ARID5A: variants seen among roughly 807,000 people sequenced by gnomAD.
ARID5A encodes AT-rich interactive domain-containing protein 5A.
A neutral mutation model predicts 30.5 loss-of-function variants in ARID5A; 14 were observed. The observed-to-expected ratio is 0.46, with a 90% CI of 0.30 to 0.72. The LOEUF is 0.72. Among genes scored for constraint, ARID5A ranks in the 30% least tolerant of loss-of-function variants. The pLI is 0.07. For synonymous variants in ARID5A, 338 were observed against 340.4 expected, an observed-to-expected ratio of 0.99 and a Z score of 0.08; for missense variants, 669 against 786.2, an observed-to-expected ratio of 0.85 and a Z score of 1.78.
intron 1 of ARID5A, among the ~76,000 whole-genome samples, chr2:96,538,898 G>A (rs928410825): frequency 6.6e-6 from 1 of 152,184 alleles, no homozygotes; most frequent in African/African-American, 2.4e-5. Context: ...GATGGGGAGG[G>A]AGAGAAGGAA....
chr2:96,547,446 G>A lies in ARID5A; in HGVS notation c.49G>A (p.Ala17Thr), dbSNP rs150447575. 2.0e-5 allele frequency: 33 copies of A among 1,613,932 alleles called. No individual in the cohort carries two copies. Among genetic ancestry groups the A allele is most frequent in the African/African-American group, 1.7e-4 (13 of 74,974 alleles). ...GNRKQSTEGD[A>T]LDPPASPKPA... The stretch of plus-strand genomic sequence containing the variant: ...CAGGAAGCAGTCCACGGAGGGTGAC[G>A]CCCTAGACCCACCTGCATCCCCCAA... Residue 17 changes from alanine (A) to threonine (T), a missense_variant, in exon 2 of 7, where the codon GCC becomes ACC. By Grantham distance (58) the Ala-to-Thr change is moderately conservative (BLOSUM62 0). Transcript: ENST00000357485.
Position 96,550,358 on chromosome 2 carries a change from C to T in ARID5A, c.410+73C>T. 7.0e-6 allele frequency: 10 copies of T among 1,424,130 alleles called. No homozygotes were observed. The highest frequency in any genetic ancestry group is 9.1e-6 in the Non-Finnish European group (10 of 1,095,992). The allele number at this position is 1,424,130 out of a possible 1,614,324, so 88.2% of individuals were successfully genotyped here. A position where few individuals can be genotyped will look rare whatever the true frequency, so the allele number is the denominator to read the frequency against. On this transcript the variant is annotated intron_variant, in intron 5 of 6. Coordinates refer to ENST00000357485, the MANE Select transcript of ARID5A (RefSeq NM_212481.3). The surrounding 1 kb of genome is among the most constrained non-coding windows in gnomAD (Gnocchi z 6.6). ...CTTTGGCCGACCTTGCCGGGAGGGC[C>T]GGGTGGACTCTGCCCGGAGCGGGCA...
At chr2:96,546,906 A>C (rs972155939) in intron 1 of ARID5A, among the ~76,000 whole-genome samples, 16 of 152,190 alleles carry the variant, frequency 1.1e-4, no homozygotes, top group African/African-American at 3.9e-4. Context: ...GTGTCTGAGC[A>C]TGGGGCAGAT....
Position 96,549,769 on chromosome 2 carries a change from C to A in ARID5A, c.276C>A (p.Ile92=), listed in dbSNP as rs1478216009. ...CTCCCCCAGTTAACCTGTGGAAGAT[C>A]TACAAAGCAGTGGAGAAGCTGGGGG... ...LGFKQINLWK[I]YKAVEKLGAY... Residue 92 remains isoleucine, a synonymous_variant, in exon 4 of 7, where the codon ATC becomes ATA. Transcript: ENST00000357485. The surrounding 1 kb of genome is among the most constrained non-coding windows in gnomAD (Gnocchi z 6.1). 6.2e-7 allele frequency: 1 copy of A among 1,613,856 alleles called. No homozygotes were observed. Among genetic ancestry groups the A allele is most frequent in the South Asian group, 1.1e-5 (1 of 91,054 alleles).
chr2:96,547,905 C>T (rs1272266513), intron 2 of ARID5A, among the ~76,000 whole-genome samples: 1 of 152,190 alleles, frequency 6.6e-6, no homozygotes, highest in Non-Finnish European at 1.5e-5. Flanking sequence ...GCAGCTTTTT[C>T]GGAGCACAGT....
chr2:96,544,330 T>C (rs76360950), intron 1 of ARID5A, among the ~76,000 whole-genome samples: 1 of 152,236 alleles, frequency 6.6e-6, no homozygotes, highest in Non-Finnish European at 1.5e-5. Context: ...GAAGATGTCA[T>C]CTAGGACTTT....
At chr2:96,541,034 C>T (rs372461301) in intron 1 of ARID5A, among the ~76,000 whole-genome samples, 3 of 146,664 alleles carry the variant, frequency 2.0e-5, no homozygotes, top group Admixed American at 1.4e-4. Flanking sequence ...CGTGAGCCAC[C>T]GCACCTGGCC....
At chr2:96,537,000 CCG>C (rs2065744734) in intron 1 of ARID5A, among the ~76,000 whole-genome samples, 170 bp downstream of exon 1, 1 of 151,934 alleles carries the variant, frequency 6.6e-6, no homozygotes, top group Admixed American at 6.5e-5. Context: ...CGAGCCCGGC[CCG>C]CGGCTTCAGC....
intron 1 of ARID5A, 44 bp downstream of exon 1, chr2:96,536,874 C>A (rs2065741750): frequency 6.5e-6 from 8 of 1,225,542 alleles, no homozygotes; most frequent in Non-Finnish European, 8.1e-6. Context: ...CTCGGCGGCC[C>A]TGCAGGGAGG....
intron 1 of ARID5A, 69 bp downstream of exon 1, chr2:96,536,899 G>C: frequency 8.2e-7 from 1 of 1,223,396 alleles, no homozygotes; most frequent in Non-Finnish European, 1.0e-6. Flanking sequence ...AGGTGCCGGC[G>C]CCGGGTCCCC....
intron 1 of ARID5A, among the ~76,000 whole-genome samples, chr2:96,545,260 G>A (rs2065909268): frequency 6.7e-6 from 1 of 150,178 alleles, no homozygotes; most frequent in Non-Finnish European, 1.5e-5. Flanking sequence ...AGGTTCAAAG[G>A]ATTCTCCTGC....
chr2:96,545,534 G>A (rs1200502960), intron 1 of ARID5A, among the ~76,000 whole-genome samples: 3 of 152,190 alleles, frequency 2.0e-5, no homozygotes, highest in Non-Finnish European at 4.4e-5. Context: ...GATTTAGAAT[G>A]TTACAGAAAC....
intron 1 of ARID5A, among the ~76,000 whole-genome samples, chr2:96,546,795 A>G (rs2065936443): frequency 6.6e-6 from 1 of 152,042 alleles, no homozygotes; most frequent in African/African-American, 2.4e-5. Context: ...ATTCCTGAAT[A>G]TTCCCAGAGG....
At position 96,550,814 on chromosome 2, in the gene ARID5A, C is replaced by T; in HGVS notation, c.570+81C>T. 6.8e-7 allele frequency: 1 copy of T among 1,461,970 alleles called. No individual in the cohort carries two copies. Among genetic ancestry groups the T allele is most frequent in the East Asian group, 2.5e-5 (1 of 40,236 alleles). 90.6% of individuals were successfully genotyped at this position (1,461,970 alleles called of 1,614,324 possible). On this transcript the variant is annotated intron_variant, in intron 6 of 6. Coordinates refer to ENST00000357485, the MANE Select transcript of ARID5A (RefSeq NM_212481.3). The surrounding 1 kb of genome is among the most constrained non-coding windows in gnomAD (Gnocchi z 6.6). ...CCCACAACTCCCTGTGGCCGCGGAG[C>T]TGTCTGCTCAGAATACACAGAACCT...
In ARID5A at chr2:96,546,618, T is replaced by C. The variant is rs568377771; in HGVS notation, c.5-784T>C. 6.6e-5 allele frequency among the ~76,000 whole-genome samples: 10 copies of C among 152,310 alleles called. No individual in the cohort carries two copies. The South Asian group carries it at 2.1e-3, about 32-fold the overall frequency. ...TCAGCCAGGATGGCTGTGAGTAGCC[T>C]AGGGCGAGGGAGGAGCTGCCCGTGG... On this transcript the variant is annotated intron_variant, in intron 1 of 6. Coordinates refer to ENST00000357485, the MANE Select transcript of ARID5A (RefSeq NM_212481.3).
chr2:96,549,604 G>A lies in ARID5A; in HGVS notation c.259+145G>A. On this transcript the variant is annotated intron_variant, in intron 3 of 6. Transcript: ENST00000357485. The surrounding 1 kb of genome is among the most constrained non-coding windows in gnomAD (Gnocchi z 6.1). ...TCCAGGCTGCCACTGGGCCAGGGGTGCACAGGGCACAGCCTGCCCGTCTAT... is the reference window on the plus strand; with the variant it reads ...TCCAGGCTGCCACTGGGCCAGGGGTACACAGGGCACAGCCTGCCCGTCTAT... 1 of 1,478,152 alleles carries A rather than the reference G, an allele frequency of 6.8e-7. No individual in the cohort carries two copies. The highest frequency in any genetic ancestry group is 9.4e-7 in the Non-Finnish European group (1 of 1,067,232). 91.6% of individuals were successfully genotyped at this position (1,478,152 alleles called of 1,614,324 possible). A position where few individuals can be genotyped will look rare whatever the true frequency, so the allele number is the denominator to read the frequency against.
intron 1 of ARID5A, among the ~76,000 whole-genome samples, chr2:96,540,790 G>T (rs2065831314): frequency 6.6e-6 from 1 of 152,268 alleles, no homozygotes; most frequent in African/African-American, 2.4e-5. Context: ...CTGTCACCCA[G>T]GCTGGAGTGC....
At chr2:96,544,197 G>A (rs938256362) in intron 1 of ARID5A, among the ~76,000 whole-genome samples, 5 of 152,224 alleles carry the variant, frequency 3.3e-5, no homozygotes, top group African/African-American at 7.2e-5. Flanking sequence ...AGTGCAAGGC[G>A]AATCAACCAG....
At chr2:96,548,443 T>G (rs891956098) in intron 2 of ARID5A, among the ~76,000 whole-genome samples, 9 of 152,176 alleles carry the variant, frequency 5.9e-5, no homozygotes, top group Admixed American at 3.3e-4. Flanking sequence ...TTTTTGTATT[T>G]TTAGTAGAGA....
Sources: allele counts gnomAD v4.1 joint callset (sites outside exome capture counted in the v4.1 genomes callset), GRCh38; gene constraint gnomAD v4.1.1; non-coding constraint Gnocchi (gnomAD v3.1); transcripts MANE v1.5; gene names NCBI Gene and HGNC (gene_info 2026-07-23, HGNC 2026-07-21).